Variants in HOXC10 observed in about 807,000 individuals in gnomAD.
HOXC10 encodes homeobox protein Hox-C10.
In HOXC10, 15 loss-of-function variants were observed where a neutral mutation model predicts 26.0. The observed-to-expected ratio is 0.58, with a 90% confidence interval of 0.39 to 0.89. HOXC10 has a LOEUF of 0.89. Among genes scored for constraint, HOXC10 ranks in the 40% least tolerant of loss-of-function variants. The pLI is 0.00. For synonymous variants in HOXC10, 196 were observed against 185.5 expected, an observed-to-expected ratio of 1.06 and a Z score of -0.46; for missense variants, 446 against 451.9, an observed-to-expected ratio of 0.99 and a Z score of 0.12.
rs36079135 is a variant in HOXC10, at chr12:53,985,730, G to T, written c.471G>T (p.Ala157=). 3 of 1,611,812 alleles carry T rather than the reference G, an allele frequency of 1.9e-6. No homozygotes were observed. Among genetic ancestry groups the T allele is most frequent in the Non-Finnish European group, 2.5e-6 (3 of 1,178,536 alleles). ...ACCGCGCCAGCCCGAGCTACTCCGC[G>T]CTGGACAAGACGCCCCACTGTTCTG... The part of the protein sequence containing the change: ...SYYRASPSYS[A]LDKTPHCSGA... Residue 157 remains alanine (A), a synonymous_variant, in exon 1 of 2, where the codon GCG becomes GCT. Coordinates refer to ENST00000303460, the MANE Select transcript of HOXC10 (RefSeq NM_017409.4).
rs370667773 is a variant in HOXC10 at position 53,989,463 on chromosome 12, C to A, written c.*17C>A. 1 of 1,600,852 alleles carries A rather than the reference C, an allele frequency of 6.2e-7. No homozygotes were observed. On this transcript the variant is annotated 3_prime_UTR_variant, in exon 2 of 2. Transcript: ENST00000303460. Reference sequence around the variant, plus strand: ...TTCACCTGAGAGCGCGGCCTCTCCTCCTCCCTTCCCGCTCCTTCCTCTCCC... The same window carrying A: ...TTCACCTGAGAGCGCGGCCTCTCCTACTCCCTTCCCGCTCCTTCCTCTCCC...
In HOXC10 at chr12:53,985,821, G is replaced by T. The variant is rs1182609245; in HGVS notation, c.562G>T (p.Glu188Ter). 4 of 1,613,838 alleles carry T rather than the reference G, an allele frequency of 2.5e-6. No individual in the cohort carries two copies. The Admixed American group carries it at 6.7e-5, about 27-fold the overall frequency. Residue 188 changes from glutamate to a stop codon, truncating the protein, a stop_gained, in exon 1 of 2, where the codon GAA (glutamate) becomes TAA (stop). Transcript: ENST00000303460. LOFTEE classifies it high-confidence loss of function. ...ASLNPRAEHL[E>*]SPQLGGKVSF... Reference sequence around the variant, plus strand: ...TCTCAACCCGCGCGCCGAACATCTGGAATCGCCTCAGCTGGGGGGCAAAGT... The same window carrying T: ...TCTCAACCCGCGCGCCGAACATCTGTAATCGCCTCAGCTGGGGGGCAAAGT...
intron 1 of HOXC10, 118 bp downstream of exon 1, chr12:53,986,128 C>A: frequency 9.2e-7 from 1 of 1,092,576 alleles, no homozygotes; most frequent in Non-Finnish European, 1.2e-6. Flanking sequence ...TTCGGGAATG[C>A]GACCCTGGCT....
intron 1 of HOXC10, chr12:53,986,215 T>A: frequency 1.7e-6 from 1 of 594,002 alleles, no homozygotes; most frequent in Non-Finnish European, 2.8e-6. Context: ...CGTGGAGGTG[T>A]CGGCCCTGCC....
chr12:53,989,516 T>C lies in HOXC10; in HGVS notation c.*70T>C. 6.8e-7 allele frequency: 1 copy of C among 1,462,608 alleles called. No homozygotes were observed. Among genetic ancestry groups the C allele is most frequent in the East Asian group, 2.4e-5 (1 of 41,366 alleles). The allele number at this position is 1,462,608 out of a possible 1,614,324, so 90.6% of individuals were successfully genotyped here. A position where few individuals can be genotyped will look rare whatever the true frequency, so the allele number is the denominator to read the frequency against. On this transcript the variant is annotated 3_prime_UTR_variant, in exon 2 of 2. Transcript: ENST00000303460. ...CCCCTCCTCCCTTTGTGCCTGGTGA[T>C]ATATTTTTTTTTCCTCCCTGAGTAT...
At chr12:53,988,150 A>T (rs1173492960) in intron 1 of HOXC10, among the ~76,000 whole-genome samples, 1 of 152,190 alleles carries the variant, frequency 6.6e-6, no homozygotes, top group Non-Finnish European at 1.5e-5. Flanking sequence ...CCTTAAAAAG[A>T]TGGCCAGGTT....
chr12:53,987,935 T>C (rs892997929), intron 1 of HOXC10, among the ~76,000 whole-genome samples: 32 of 139,458 alleles, frequency 2.3e-4, no homozygotes, highest in Admixed American at 1.1e-3. Context: ...ATTCGGGACA[T>C]TCAGATTTTT....
At chr12:53,986,197 A>C in intron 1 of HOXC10, 187 bp downstream of exon 1, 1 of 667,242 alleles carries the variant, frequency 1.5e-6, no homozygotes, top group Non-Finnish European at 2.4e-6. Context: ...GGGGAAGGTA[A>C]GCGGCGACGT....
rs770222472 is a variant in HOXC10 at position 53,989,491 on chromosome 12, C to T, written c.*45C>T. 13 of 1,559,058 alleles carry T rather than the reference C, an allele frequency of 8.3e-6. No individual in the cohort carries two copies. In the East Asian group the frequency reaches 1.1e-4, roughly 14 times the overall value. On this transcript the variant is annotated 3_prime_UTR_variant, in exon 2 of 2. Transcript: ENST00000303460. ...CCCTTCCCGCTCCTTCCTCTCCCCG[C>T]CCCTCCTCCCTTTGTGCCTGGTGAT...
In HOXC10 at chr12:53,989,789, G is replaced by C; in HGVS notation, c.*343G>C. On this transcript the variant is annotated 3_prime_UTR_variant, in exon 2 of 2. Coordinates refer to ENST00000303460, the MANE Select transcript of HOXC10 (RefSeq NM_017409.4). ...AAGTTAAGATCGAATCCATCCGCTT[G>C]TAGGGGAAAAAAAGGAAAAAAATTA... The C allele has an allele frequency of 4.0e-6, 1 of 251,912 alleles. No individual in the cohort carries two copies. Among genetic ancestry groups the C allele is most frequent in the Non-Finnish European group, 7.5e-6 (1 of 133,246 alleles). The allele number at this position is 251,912 out of a possible 1,614,324, so 15.6% of individuals were successfully genotyped here.
chr12:53,988,966 T>C (rs550305873), intron 1 of HOXC10, among the ~76,000 whole-genome samples: 1 of 152,234 alleles, frequency 6.6e-6, no homozygotes, highest in South Asian at 2.1e-4. Flanking sequence ...GGCAAGAACT[T>C]CCTCCCTTTA....
chr12:53,989,231 A>G lies in HOXC10; in HGVS notation c.814A>G (p.Arg272Gly). Residue 272 changes from arginine to glycine, a missense_variant, in exon 2 of 2, where the codon AGG becomes GGG. By Grantham distance (125) the Arg-to-Gly change is moderately radical (BLOSUM62 -2). Coordinates refer to ENST00000303460, the MANE Select transcript of HOXC10 (RefSeq NM_017409.4). ...WLTAKSGRKK[R>G]CPYTKHQTLE... is the part of the protein sequence containing the mutation. ...GACAGCAAAGAGCGGAAGGAAGAAG[A>G]GGTGCCCCTATACTAAACACCAGAC... 6.2e-7 allele frequency: 1 copy of G among 1,613,744 alleles called. No individual in the cohort carries two copies.
In HOXC10 at chr12:53,989,301, G is replaced by A. The variant is rs773443415; in HGVS notation, c.884G>A (p.Arg295Gln). ...KEFLFNMYLT[R>Q]ERRLEISKTI... ...TTTCTGTTCAATATGTATTTGACGC[G>A]AGAGCGCCGCCTGGAGATTAGCAAG... The change falls in exon 2 of 2, where the codon CGA (arginine) becomes CAA (glutamine). Residue 295 changes from arginine (R) to glutamine (Q), a missense_variant. Transcript: ENST00000303460. 3.1e-6 allele frequency: 5 copies of A among 1,614,082 alleles called. No homozygotes were observed. In the South Asian group the frequency reaches 3.3e-5, roughly 11 times the overall value.
rs1939487919 is a variant in HOXC10 at position 53,989,675 on chromosome 12, C to T, written c.*229C>T. Reference sequence around the variant, plus strand: ...CGGGATGTGGGGTGTGGTGTGTGCCCTCATAGATGGGGGTGGGAGTGTGGC... The same window carrying T: ...CGGGATGTGGGGTGTGGTGTGTGCCTTCATAGATGGGGGTGGGAGTGTGGC... On this transcript the variant is annotated 3_prime_UTR_variant, in exon 2 of 2. Coordinates refer to ENST00000303460, the MANE Select transcript of HOXC10 (RefSeq NM_017409.4). 1.8e-6 allele frequency: 1 copy of T among 561,764 alleles called. No individual in the cohort carries two copies. Among genetic ancestry groups the T allele is most frequent in the Non-Finnish European group, 3.1e-6 (1 of 319,894 alleles). 34.8% of individuals were successfully genotyped at this position (561,764 alleles called of 1,614,324 possible).
At chr12:53,988,928 G>A (rs1939475640) in intron 1 of HOXC10, among the ~76,000 whole-genome samples, 1 of 152,108 alleles carries the variant, frequency 6.6e-6, no homozygotes, top group South Asian at 2.1e-4. Context: ...GGTGGACTTG[G>A]GTAATTTAAA....
At chr12:53,988,941 T>C (rs1205481189) in intron 1 of HOXC10, among the ~76,000 whole-genome samples, 3 of 152,182 alleles carry the variant, frequency 2.0e-5, no homozygotes, top group Non-Finnish European at 4.4e-5. Context: ...AATTTAAATT[T>C]AATAAATGCT....
chr12:53,988,372 T>C (rs1425190982), intron 1 of HOXC10, among the ~76,000 whole-genome samples: 2 of 152,238 alleles, frequency 1.3e-5, no homozygotes, highest in African/African-American at 4.8e-5. Context: ...CATACACATC[T>C]ACGTATGCAC....
rs202194945 is a variant in HOXC10, at chr12:53,986,000, C to A, written c.741C>A (p.Asn247Lys). Reference protein sequence around the residue: ...AADSSPDTSDNEAKEEIKAEN... With the variant: ...AADSSPDTSDKEAKEEIKAEN... ...ACTCCAGCCCAGACACCTCGGATAACGAAGCGAAAGGTAAGGCCGCCTGGG... is the reference window on the plus strand; with the variant it reads ...ACTCCAGCCCAGACACCTCGGATAAAGAAGCGAAAGGTAAGGCCGCCTGGG... The change falls in exon 1 of 2, where the codon AAC (asparagine) becomes AAA (lysine). Residue 247 changes from asparagine to lysine, a missense_variant. Transcript: ENST00000303460. The A allele has an allele frequency of 1.9e-6, 3 of 1,563,342 alleles. No individual in the cohort carries two copies. Among genetic ancestry groups the A allele is most frequent in the African/African-American group, 2.7e-5 (2 of 72,728 alleles).
chr12:53,985,629 CCCGAGGCA>C lies in HOXC10; in HGVS notation c.371_378del (p.Pro124ArgfsTer74). 6.2e-7 allele frequency: 1 copy of C among 1,613,814 alleles called. No homozygotes were observed. The highest frequency in any genetic ancestry group is 1.1e-5 in the South Asian group (1 of 91,092). ...CGCAGAGAAGCGGGCGAAAAGTGGC[CCCGAGGCA>C]GCTCTCTACTCCCACCCCTTGCCGG... is the stretch of plus-strand genomic sequence containing the variant. On this transcript the variant is annotated frameshift_variant, in exon 1 of 2. Transcript: ENST00000303460. LOFTEE classifies it high-confidence loss of function.
Sources: allele counts gnomAD v4.1 joint callset (sites outside exome capture counted in the v4.1 genomes callset), GRCh38; gene constraint gnomAD v4.1.1; transcripts MANE v1.5; gene names NCBI Gene and HGNC (gene_info 2026-07-23, HGNC 2026-07-21).